Variants in CSMD1 observed in about 807,000 individuals in gnomAD.
CSMD1 encodes CUB and sushi domain-containing protein 1.
In CSMD1, 213 loss-of-function variants were observed where a neutral mutation model predicts 417.5. The ratio of observed to expected loss-of-function variants is 0.51; its 90% CI spans 0.46 to 0.57. CSMD1 has a LOEUF of 0.57. CSMD1 is among the 20% of genes least tolerant of loss of function. CSMD1 has a pLI of 0.00. For synonymous variants in CSMD1, 2,862 were observed against 1,736.8 expected (o/e 1.65, Z -16.11); for missense variants, 6,923 against 4,529.7 (o/e 1.53, Z -15.17).
intron 3 of CSMD1, among the ~76,000 whole-genome samples, chr8:4,347,313 T>C (rs1381577123): frequency 6.6e-6 from 1 of 152,152 alleles, no homozygotes; most frequent in African/African-American, 2.4e-5. Flanking sequence ...AACTATAAAA[T>C]TATTCAGTCT....
At position 3,712,396 on chromosome 8, in the gene CSMD1, G is replaced by GAC. The variant is rs1801570212; in HGVS notation, c.932-3906_932-3905insGT. 1.3e-4 allele frequency among the ~76,000 whole-genome samples: 8 copies of GAC among 63,982 alleles called. No individual in the cohort carries two copies. The East Asian group carries it at 2.0e-3, about 16-fold the overall frequency. 42.0% of individuals were successfully genotyped at this position (63,982 alleles called of 152,430 possible). On this transcript the variant is annotated intron_variant, in intron 6 of 69. Coordinates refer to ENST00000635120, the MANE Select transcript of CSMD1 (RefSeq NM_033225.6). ...AACAGGAGAGAGAGAGAGAGAGAGA[G>GAC]AGAGACAGACAGACAGACAGACAGA... is the stretch of plus-strand genomic sequence containing the variant.
intron 2 of CSMD1, among the ~76,000 whole-genome samples, chr8:4,563,183 C>G (rs548140710): frequency 1.3e-5 from 2 of 152,046 alleles, no homozygotes; most frequent in Non-Finnish European, 2.9e-5. Flanking sequence ...AGGCGGATCA[C>G]GAGGTCAGGA....
chr8:3,360,022 T>C (rs1809052084), intron 20 of CSMD1, among the ~76,000 whole-genome samples: 1 of 152,168 alleles, frequency 6.6e-6, no homozygotes, highest in African/African-American at 2.4e-5. Context: ...AAGGTGCTTT[T>C]TGGTAACTAA....
chr8:4,074,546 A>G (rs1349761765), intron 3 of CSMD1, among the ~76,000 whole-genome samples: 1 of 152,140 alleles, frequency 6.6e-6, no homozygotes, highest in African/African-American at 2.4e-5. Context: ...TACCATAAAT[A>G]TTCCCAGTGG....
At chr8:3,592,057 TGATA>T (rs1047674666) in intron 8 of CSMD1, among the ~76,000 whole-genome samples, 6 of 151,944 alleles carry the variant, frequency 3.9e-5, no homozygotes, top group African/African-American at 1.2e-4. Context: ...GATGGATAGA[TGATA>T]GATAGATGGA....
In CSMD1 at chr8:3,847,267, T is replaced by A. The variant is rs148707921; in HGVS notation, c.819-93225A>T. On this transcript the variant is annotated intron_variant, in intron 5 of 69. Coordinates refer to ENST00000635120, the MANE Select transcript of CSMD1 (RefSeq NM_033225.6). ...CAGATGTAGAAAGGTCCCTAATCAG[T>A]TGATTTTTAAGTTAATCCAAAGGCA... 1.4e-4 allele frequency among the ~76,000 whole-genome samples: 22 copies of A among 152,276 alleles called. 1 individual carries two copies. The highest frequency in any genetic ancestry group is 5.3e-4 in the African/African-American group (22 of 41,552).
intron 5 of CSMD1, among the ~76,000 whole-genome samples, chr8:3,976,882 G>C (rs1205057135): frequency 6.6e-6 from 1 of 152,098 alleles, no homozygotes; most frequent in East Asian, 1.9e-4. Flanking sequence ...ACTGAGATGT[G>C]TACCTTGAAT....
In CSMD1 at chr8:4,424,956, A is replaced by G. The variant is rs183430072; in HGVS notation, c.303-4891T>C. Among the ~76,000 whole-genome samples the G allele has an allele frequency of 2.5e-3, 385 of 152,224 alleles. 1 individual carries two copies. The highest frequency in any genetic ancestry group is 9.1e-3 in the Admixed American group (139 of 15,254). Reference sequence around the variant, plus strand: ...GGTTGAGACTGAGAGGTACTCAAGAACATATTAAGATTAAAATAATCTAGT... The same window carrying G: ...GGTTGAGACTGAGAGGTACTCAAGAGCATATTAAGATTAAAATAATCTAGT... On this transcript the variant is annotated intron_variant, in intron 2 of 69. Transcript: ENST00000635120.
At chr8:4,080,771 GC>G (rs1319073852) in intron 3 of CSMD1, among the ~76,000 whole-genome samples, 15 of 152,228 alleles carry the variant, frequency 9.9e-5, no homozygotes, top group Middle Eastern at 3.4e-3. Flanking sequence ...ATAAGACTGG[GC>G]TAAATTACCA....
intron 62 of CSMD1, among the ~76,000 whole-genome samples, chr8:2,958,640 T>G (rs1041752420): frequency 1.3e-5 from 2 of 152,224 alleles, no homozygotes; most frequent in African/African-American, 4.8e-5. Flanking sequence ...GCATGACTCA[T>G]GTATACAGGG....
At chr8:3,642,779 T>G (rs1366627014) in intron 7 of CSMD1, among the ~76,000 whole-genome samples, 2 of 152,078 alleles carry the variant, frequency 1.3e-5, no homozygotes, top group African/African-American at 2.4e-5. Context: ...ACGCATTTCA[T>G]GCAGAGTATG....
intron 12 of CSMD1, among the ~76,000 whole-genome samples, chr8:3,456,318 C>T (rs6997801): frequency 1.3e-3 from 204 of 151,634 alleles, no homozygotes; most frequent in South Asian, 0.013. Context: ...ACCCACTGTC[C>T]GACACTCCCC....
At chr8:3,947,526 C>G (rs1811313629) in intron 5 of CSMD1, among the ~76,000 whole-genome samples, 1 of 152,112 alleles carries the variant, frequency 6.6e-6, no homozygotes, top group Non-Finnish European at 1.5e-5. Context: ...TTAAACAACA[C>G]TCTTCTACAT....
chr8:4,728,069 T>C (rs1480049688), intron 1 of CSMD1, among the ~76,000 whole-genome samples: 2 of 146,916 alleles, frequency 1.4e-5, no homozygotes, highest in East Asian at 3.9e-4. Context: ...AGATGTAGAA[T>C]GTATATGTTT....
intron 2 of CSMD1, among the ~76,000 whole-genome samples, chr8:4,609,025 A>C (rs1442272346): frequency 6.6e-6 from 1 of 150,410 alleles, no homozygotes; most frequent in Admixed American, 6.6e-5. Context: ...AAAAAAAAAA[A>C]AAACATGAAA....
At chr8:4,483,973 C>G (rs908100026) in intron 2 of CSMD1, among the ~76,000 whole-genome samples, 1 of 152,048 alleles carries the variant, frequency 6.6e-6, no homozygotes, top group African/African-American at 2.4e-5. Flanking sequence ...CCTGCGTTTT[C>G]GGAGAGAGCA....
intron 5 of CSMD1, among the ~76,000 whole-genome samples, chr8:3,761,018 A>G (rs1360837820): frequency 6.6e-6 from 1 of 151,890 alleles, no homozygotes; most frequent in Non-Finnish European, 1.5e-5. Context: ...GTGGTGTTTC[A>G]TTATCTCTGT....
rs766465522 is a variant in CSMD1, at chr8:4,832,312, A to G, written c.85+162020T>C. Among the ~76,000 whole-genome samples, 188 of 152,196 alleles carry G rather than the reference A, an allele frequency of 1.2e-3. 1 individual carries two copies. Among genetic ancestry groups the G allele is most frequent in the Non-Finnish European group, 1.6e-3 (109 of 68,008 alleles). On this transcript the variant is annotated intron_variant, in intron 1 of 69. Coordinates refer to ENST00000635120, the MANE Select transcript of CSMD1 (RefSeq NM_033225.6). ...TTCAGTCCTTAGCGCACATGAGGAGATGGACAGATTCTTACGGAGATGCAA... is the reference window on the plus strand; with the variant it reads ...TTCAGTCCTTAGCGCACATGAGGAGGTGGACAGATTCTTACGGAGATGCAA...
At chr8:4,420,997 AC>A (rs775184502) in intron 2 of CSMD1, among the ~76,000 whole-genome samples, 14 of 152,022 alleles carry the variant, frequency 9.2e-5, no homozygotes, top group Non-Finnish European at 1.2e-4. Flanking sequence ...ATCTTTGTAA[AC>A]TGCAGTATCT....
Sources: allele counts gnomAD v4.1 joint callset (sites outside exome capture counted in the v4.1 genomes callset), GRCh38; gene constraint gnomAD v4.1.1; transcripts MANE v1.5; gene names NCBI Gene and HGNC (gene_info 2026-07-23, HGNC 2026-07-21).